Variants in MYRIP observed in about 807,000 individuals in gnomAD.
The protein encoded by MYRIP is rab effector MyRIP.
Under a neutral mutation model 98.0 loss-of-function variants are expected in MYRIP, and 49 were observed. The ratio of observed to expected loss-of-function variants is 0.50; its 90% confidence interval spans 0.40 to 0.63. The LOEUF (loss-of-function observed/expected upper bound fraction) is 0.63. Ranked by LOEUF, MYRIP falls within the 30% of genes least tolerant of loss-of-function variation. MYRIP has a pLI of 0.00. For synonymous variants in MYRIP, 404 were observed against 409.5 expected (o/e 0.99, Z 0.16); for missense variants, 1,004 against 1,058.2 (o/e 0.95, Z 0.71).
At chr3:40,155,594 T>G (rs1247621588) in intron 4 of MYRIP, among the ~76,000 whole-genome samples, 1 of 151,208 alleles carries the variant, frequency 6.6e-6, no homozygotes, top group Non-Finnish European at 1.5e-5. Flanking sequence ...TTGAACTAGT[T>G]TACAGTCCCA....
At chr3:39,868,590 T>C (rs1261845730) in intron 1 of MYRIP, among the ~76,000 whole-genome samples, 1 of 152,146 alleles carries the variant, frequency 6.6e-6, no homozygotes, top group Non-Finnish European at 1.5e-5. Context: ...AATGCCAAAA[T>C]AGAGTATATT....
chr3:40,072,179 T>C (rs1948245481), intron 3 of MYRIP, among the ~76,000 whole-genome samples: 1 of 152,210 alleles, frequency 6.6e-6, no homozygotes. Flanking sequence ...TTAACCTTTA[T>C]TACTGTATTA....
chr3:39,812,825 C>G (rs1940743048), intron 1 of MYRIP, among the ~76,000 whole-genome samples: 1 of 152,216 alleles, frequency 6.6e-6, no homozygotes, highest in Non-Finnish European at 1.5e-5. Flanking sequence ...ATCCAACAAT[C>G]CAACAACTCA....
At chr3:40,222,106 C>G (rs140116935) in intron 11 of MYRIP, among the ~76,000 whole-genome samples, 1 of 152,172 alleles carries the variant, frequency 6.6e-6, no homozygotes, top group African/African-American at 2.4e-5. Flanking sequence ...ATAATCGAAG[C>G]GGCAGTGTAT....
At chr3:40,132,070 A>G (rs1004799476) in intron 3 of MYRIP, among the ~76,000 whole-genome samples, 1 of 152,128 alleles carries the variant, frequency 6.6e-6, no homozygotes, top group Admixed American at 6.5e-5. Flanking sequence ...ATTTTTTAAG[A>G]AATCAATTTT....
intron 10 of MYRIP, among the ~76,000 whole-genome samples, chr3:40,191,290 G>C (rs1395470414): frequency 6.6e-6 from 1 of 152,106 alleles, no homozygotes; most frequent in Non-Finnish European, 1.5e-5. Flanking sequence ...CTCCCAACCA[G>C]ACTAACTTTA....
At chr3:40,148,008 T>A in intron 3 of MYRIP, among the ~76,000 whole-genome samples, 1 of 152,184 alleles carries the variant, frequency 6.6e-6, no homozygotes, top group East Asian at 1.9e-4. Context: ...ATCTTACATG[T>A]CTGAAAATGT....
intron 2 of MYRIP, among the ~76,000 whole-genome samples, chr3:40,038,711 T>C (rs1399777375): frequency 1.3e-5 from 2 of 151,924 alleles, no homozygotes; most frequent in Non-Finnish European, 2.9e-5. Context: ...TTTAAAAATA[T>C]GGGGACAGGG....
intron 2 of MYRIP, among the ~76,000 whole-genome samples, chr3:39,922,535 A>C (rs1248411199): frequency 6.6e-6 from 1 of 152,142 alleles, no homozygotes; most frequent in Non-Finnish European, 1.5e-5. Context: ...GGAGAGTAAA[A>C]ATATTCACCA....
intron 3 of MYRIP, among the ~76,000 whole-genome samples, chr3:40,084,575 C>A (rs62261785): frequency 0.12 from 995 of 8,256 alleles, 373 homozygotes; most frequent in East Asian, 0.25. Flanking sequence ...TATGTATTAT[C>A]TATCGATAGA....
chr3:39,912,196 C>A (rs1944038697), intron 2 of MYRIP, among the ~76,000 whole-genome samples: 2 of 152,116 alleles, frequency 1.3e-5, no homozygotes, highest in South Asian at 2.1e-4. Flanking sequence ...AGACTTAGGA[C>A]CCCTTCCCTG....
At chr3:40,084,059 C>T (rs865988739) in intron 3 of MYRIP, among the ~76,000 whole-genome samples, 32 of 131,292 alleles carry the variant, frequency 2.4e-4, no homozygotes, top group South Asian at 2.4e-4. Flanking sequence ...ATGGCGTGAA[C>T]CCGGGAGGCG....
Position 40,071,150 on chromosome 3 carries a change from CCCTGACTTGTTCTGA to C in MYRIP, c.332+26892_332+26906del. 3 of 985,448 alleles carry C rather than the reference CCCTGACTTGTTCTGA, an allele frequency of 3.0e-6. 1 individual carries two copies. Among genetic ancestry groups the C allele is most frequent in the Non-Finnish European group, 1.2e-6 (1 of 829,936 alleles). 61.0% of individuals were successfully genotyped at this position (985,448 alleles called of 1,614,324 possible). A position where few individuals can be genotyped will look rare whatever the true frequency, so the allele number is the denominator to read the frequency against. On this transcript the variant is annotated intron_variant, in intron 3 of 16. Transcript: ENST00000302541. Reference sequence around the variant, plus strand: ...TCCTCAACTGCAGTAGGAGCCATCTCCCTGACTTGTTCTGACCTGACTTGTTCCCTACCGTAATCT... The same window carrying C: ...TCCTCAACTGCAGTAGGAGCCATCTCCCTGACTTGTTCCCTACCGTAATCT...
intron 2 of MYRIP, among the ~76,000 whole-genome samples, chr3:39,997,735 A>G (rs1946401989): frequency 6.6e-6 from 1 of 152,212 alleles, no homozygotes; most frequent in Non-Finnish European, 1.5e-5. Flanking sequence ...CAACAAAAAA[A>G]GAGAATTTTA....
At chr3:40,194,502 C>G (rs776038684) in intron 10 of MYRIP, among the ~76,000 whole-genome samples, 16 of 151,966 alleles carry the variant, frequency 1.1e-4, no homozygotes, top group Non-Finnish European at 1.8e-4. Context: ...CTTCTCTTCA[C>G]TGTTGTGGAT....
At chr3:40,232,939 G>A (rs1952704010) in intron 11 of MYRIP, 1 of 152,198 alleles carries the variant, frequency 6.6e-6, no homozygotes, top group African/African-American at 2.4e-5. Context: ...GGCAGGTGAT[G>A]ACTCCCAGTG....
At chr3:40,097,109 A>G (rs560695294) in intron 3 of MYRIP, among the ~76,000 whole-genome samples, 23 of 152,370 alleles carry the variant, frequency 1.5e-4, no homozygotes, top group Admixed American at 1.2e-3. Flanking sequence ...AAAGAAGAAA[A>G]GCTTATGGGA....
In MYRIP at chr3:39,809,749, C is replaced by T. The variant is rs1417986166; in HGVS notation, c.-198C>T. On this transcript the variant is annotated 5_prime_UTR_variant, in exon 1 of 17. Coordinates refer to ENST00000302541, the MANE Select transcript of MYRIP (RefSeq NM_015460.4). ...CAGCCGAGCCCCCGCGGTGCTGCAG[C>T]CCAGCTTTAGCGCGCAGACCGACCC... is the stretch of plus-strand genomic sequence containing the variant. The T allele has an allele frequency of 2.0e-5, 3 of 152,196 alleles. No homozygotes were observed. The highest frequency in any genetic ancestry group is 4.4e-5 in the Non-Finnish European group (3 of 68,034). 9.4% of individuals were successfully genotyped at this position (152,196 alleles called of 1,614,324 possible).
intron 1 of MYRIP, among the ~76,000 whole-genome samples, chr3:39,876,962 G>A (rs58467733): frequency 0.16 from 24,158 of 152,102 alleles, 3,512 homozygotes; most frequent in African/African-American, 0.38. Context: ...GATTCTCCCC[G>A]TCGCTTTCAG....
Sources: gnomAD v4.1 joint callset for allele counts (sites outside exome capture counted in the v4.1 genomes callset) on GRCh38, gnomAD v4.1.1 for gene constraint, MANE v1.5 for transcripts, NCBI Gene and HGNC (gene_info 2026-07-23, HGNC 2026-07-21) for gene names.